Variants in BRD1 observed in about 807,000 individuals in gnomAD.
The protein encoded by BRD1 is bromodomain containing 1, also known as bromodomain-containing protein 1.
Under a neutral mutation model 107.7 loss-of-function variants are expected in BRD1, and 24 were observed. That is an observed-to-expected ratio of 0.22 (90% confidence interval 0.16 to 0.31). The LOEUF (loss-of-function observed/expected upper bound fraction) is 0.31, where lower values mean the gene tolerates loss of function less well. Among genes scored for constraint, BRD1 ranks in the 10% least tolerant of loss-of-function variants. The pLI is 1.00. For missense variants in BRD1, 1,279 were observed against 1,638.6 expected (o/e 0.78, Z 3.79); for synonymous variants, 744 against 686.1 (o/e 1.08, Z -1.32).
chr22:49,793,440 CCAGA>C (rs1241525684), intron 7 of BRD1, among the ~76,000 whole-genome samples: 1 of 152,184 alleles, frequency 6.6e-6, no homozygotes, highest in African/African-American at 2.4e-5. Context: ...GGACCTTTCC[CCAGA>C]CATTCTTTGG....
At chr22:49,793,993 C>T in intron 7 of BRD1, 41 bp downstream of exon 7, 2 of 1,583,220 alleles carry the variant, frequency 1.3e-6, no homozygotes, top group East Asian at 2.2e-5. Context: ...GAGCCTGAGC[C>T]GTGACGGCAA....
intron 2 of BRD1, among the ~76,000 whole-genome samples, chr22:49,812,619 T>A (rs2059870755): frequency 6.6e-6 from 1 of 152,214 alleles, no homozygotes; most frequent in South Asian, 2.1e-4. Flanking sequence ...GCCACCTCCA[T>A]GTTTAAGTGA....
chr22:49,794,887 C>G lies in BRD1; in HGVS notation c.2099-593G>C, dbSNP rs186113623. Among the ~76,000 whole-genome samples the G allele has an allele frequency of 2.0e-3, 311 of 152,170 alleles. 2 individuals carry two copies. The highest frequency in any genetic ancestry group is 3.6e-3 in the Non-Finnish European group (244 of 68,002). On this transcript the variant is annotated intron_variant, in intron 6 of 12. Transcript: ENST00000404760. ...ACAAAGTCCCTAGAAACTTCGCTTT[C>G]AAAAACACCAAAATTTATAAAGCAC...
intron 11 of BRD1, 23 bp from the exon 12 acceptor site, chr22:49,775,768 G>A (rs1341986755): frequency 1.2e-6 from 2 of 1,600,836 alleles, no homozygotes; most frequent in African/African-American, 2.7e-5. Flanking sequence ...GACCCGCTGA[G>A]GTCATTGTGA....
intron 2 of BRD1, among the ~76,000 whole-genome samples, chr22:49,810,987 A>G (rs1031237095): frequency 6.6e-6 from 1 of 152,220 alleles, no homozygotes; most frequent in Non-Finnish European, 1.5e-5. Context: ...CCAAAGTAGG[A>G]AAAAAACAAA....
chr22:49,798,798 G>A (rs2059585357), intron 4 of BRD1, 112 bp from the exon 5 acceptor site: 1 of 1,448,534 alleles, frequency 6.9e-7, no homozygotes, highest in South Asian at 1.4e-5. Flanking sequence ...TTCCGTCCAG[G>A]CATAGGACAA....
At chr22:49,776,683 T>C (rs1601597569) in intron 10 of BRD1, among the ~76,000 whole-genome samples, 1 of 152,118 alleles carries the variant, frequency 6.6e-6, no homozygotes, top group East Asian at 1.9e-4. Flanking sequence ...GGCCTGAAGT[T>C]GAGGGCACCC....
chr22:49,804,723 T>G (rs762137013), intron 2 of BRD1, among the ~76,000 whole-genome samples: 3 of 152,076 alleles, frequency 2.0e-5, no homozygotes, highest in Non-Finnish European at 2.9e-5. Context: ...TGGAGGTACA[T>G]GCGTGTAGTC....
intron 2 of BRD1, among the ~76,000 whole-genome samples, chr22:49,816,805 C>G (rs548667550): frequency 6.6e-6 from 1 of 152,200 alleles, no homozygotes; most frequent in African/African-American, 2.4e-5. Flanking sequence ...AAGTGCCTTC[C>G]GAATTCTGGG....
rs780444818 is a variant in BRD1 at position 49,774,402 on chromosome 22, T to C, written c.3401A>G (p.Lys1134Arg). The C allele has an allele frequency of 6.2e-7, 1 of 1,603,376 alleles. No individual in the cohort carries two copies. The highest frequency in any genetic ancestry group is 2.2e-5 in the East Asian group (1 of 44,630). Residue 1134 changes from lysine to arginine, a missense_variant, in exon 13 of 13, where the codon AAG (lysine) becomes AGG (arginine). Lys to Arg is a conservative substitution (Grantham distance 26). Transcript: ENST00000404760. ...DNKRSWQWLP[K>R]SKMVPLGIDE... ...AATACCAAGGGGAACCATTTTGGAC[T>C]TAGGAAGCCACTGCCTTTTTAAAAG... is the stretch of plus-strand genomic sequence containing the variant.
At chr22:49,781,074 G>A (rs1024581580) in intron 8 of BRD1, among the ~76,000 whole-genome samples, 3 of 152,204 alleles carry the variant, frequency 2.0e-5, no homozygotes, top group African/African-American at 7.2e-5. Context: ...GCGGCTGCCA[G>A]GAAAGAGCCG....
intron 1 of BRD1, chr22:49,826,083 C>A (rs1324957293): frequency 1.2e-6 from 1 of 810,168 alleles, no homozygotes; most frequent in Non-Finnish European, 1.5e-6. Flanking sequence ...GAGAGCGACC[C>A]TAGTGCACCC....
intron 8 of BRD1, among the ~76,000 whole-genome samples, chr22:49,784,110 G>C (rs9627766): frequency 6.6e-6 from 1 of 151,910 alleles, no homozygotes; most frequent in Non-Finnish European, 1.5e-5. Context: ...ATGGAGACTC[G>C]CAACAGGGGT....
chr22:49,780,384 T>TC (rs577749285), intron 8 of BRD1, among the ~76,000 whole-genome samples: 168 of 152,282 alleles, frequency 1.1e-3, no homozygotes, highest in African/African-American at 3.8e-3. Context: ...GTTCTGCGTG[T>TC]CACCCATGAA....
intron 2 of BRD1, among the ~76,000 whole-genome samples, chr22:49,822,153 T>C (rs2060079720): frequency 6.6e-6 from 1 of 152,244 alleles, no homozygotes; most frequent in African/African-American, 2.4e-5. Context: ...CGGCTGGGCA[T>C]GGTGGCTCAC....
At chr22:49,826,825 G>A (rs1225408049) in intron 1 of BRD1, among the ~76,000 whole-genome samples, 2 of 152,200 alleles carry the variant, frequency 1.3e-5, no homozygotes, top group South Asian at 2.1e-4. Flanking sequence ...CGGGGCAGGG[G>A]GTCCCGCTGC....
chr22:49,806,275 T>C (rs1294356168), intron 2 of BRD1: 4 of 152,228 alleles, frequency 2.6e-5, no homozygotes, highest in South Asian at 2.1e-4. Context: ...CAAGCCACCA[T>C]CTTCTCCAGA....
Position 49,775,539 on chromosome 22 carries a change from C to T in BRD1, c.3386+52G>A, listed in dbSNP as rs369022809. 6.0e-5 allele frequency: 79 copies of T among 1,326,724 alleles called. 1 individual carries two copies. Among genetic ancestry groups the T allele is most frequent in the Middle Eastern group, 4.0e-4 (2 of 5,034 alleles). The allele number at this position is 1,326,724 out of a possible 1,614,324, so 82.2% of individuals were successfully genotyped here. ...AGGGACACTCAGGTCACCGAGCCCA[C>T]GGCCCCCAACCACCCCAGCCGGTCC... On this transcript the variant is annotated intron_variant, in intron 12 of 12. Transcript: ENST00000404760.
rs765068401 is a variant in BRD1 at position 49,775,733 on chromosome 22, T to C, written c.3244A>G (p.Lys1082Glu). 7 of 1,610,518 alleles carry C rather than the reference T, an allele frequency of 4.3e-6. No homozygotes were observed. The highest frequency in any genetic ancestry group is 5.9e-6 in the Non-Finnish European group (7 of 1,178,336). The change falls in exon 12 of 13, where the codon AAG becomes GAG. Residue 1082 changes from lysine to glutamate, a missense_variant. This residue lies in a region of BRD1 where 136 missense variants were observed against 196.8 expected (regional missense o/e 0.69). Transcript: ENST00000404760. The stretch of plus-strand genomic sequence containing the variant: ...TGGTGGCCAGGCACACGGGGCATCT[T>C]GGGGTCGATGATCTGCACGAGAAGG... ...PSYPALIIDP[K>E]MPRVPGHHNG...
Sources: allele counts gnomAD v4.1 joint callset (sites outside exome capture counted in the v4.1 genomes callset), GRCh38; gene constraint gnomAD v4.1.1; regional missense constraint gnomAD v4.1.1; transcripts MANE v1.5; gene names NCBI Gene and HGNC (gene_info 2026-07-23, HGNC 2026-07-21).